DLGAP1: variants seen among roughly 807,000 people sequenced by gnomAD.
DLGAP1 encodes the protein disks large-associated protein 1.
DLGAP1 carries 11 observed loss-of-function variants against 90.8 expected under a neutral mutation model. The observed-to-expected ratio is 0.12, with a 90% CI of 0.08 to 0.20. The LOEUF (loss-of-function observed/expected upper bound fraction) is 0.20, where lower values mean the gene tolerates loss of function less well. DLGAP1 is among the 10% of genes least tolerant of loss of function. The pLI is 1.00. For missense variants in DLGAP1, 1,050 were observed against 1,333.8 expected (o/e 0.79, Z 3.31); for synonymous variants, 558 against 540.7 (o/e 1.03, Z -0.44).
At position 3,514,450 on chromosome 18, in the gene DLGAP1, G is replaced by A. The variant is rs192779349; in HGVS notation, c.2480-5789C>T. On this transcript the variant is annotated intron_variant, in intron 10 of 12. Transcript: ENST00000315677. Reference sequence around the variant, plus strand: ...ATGGATTACCTCTGACTGGCTCCCCGTGGTGAAGGTTACTACGGTAGATAT... The same window carrying A: ...ATGGATTACCTCTGACTGGCTCCCCATGGTGAAGGTTACTACGGTAGATAT... Among the ~76,000 whole-genome samples, 11 of 152,248 alleles carry A rather than the reference G, an allele frequency of 7.2e-5. No homozygotes were observed. In the East Asian group the frequency reaches 1.9e-3, roughly 27 times the overall value.
At position 3,517,766 on chromosome 18, in the gene DLGAP1, G is replaced by A. The variant is rs371938857; in HGVS notation, c.2480-9105C>T. ...CGGGAGGCAGAGGTTGCAGTGAGCC[G>A]AGATCGTGCCATTGCACTCCAGCCT... On this transcript the variant is annotated intron_variant, in intron 10 of 12. Coordinates refer to ENST00000315677, the MANE Select transcript of DLGAP1 (RefSeq NM_004746.4). This position sits in a 1 kb window ranked among gnomAD's most constrained non-coding sequence, Gnocchi z 4.1. Among the ~76,000 whole-genome samples, 12 of 151,028 alleles carry A rather than the reference G, an allele frequency of 7.9e-5. No individual in the cohort carries two copies. The South Asian group carries it at 1.3e-3, about 16-fold the overall frequency.
At chr18:4,136,087 A>G (rs1027729865) in intron 2 of DLGAP1, among the ~76,000 whole-genome samples, 2 of 151,750 alleles carry the variant, frequency 1.3e-5, no homozygotes, top group African/African-American at 4.8e-5. Flanking sequence ...TCATTGTTCA[A>G]TGTCCACCTA....
At chr18:4,227,952 T>C (rs1234378963) in intron 1 of DLGAP1, among the ~76,000 whole-genome samples, 1 of 151,732 alleles carries the variant, frequency 6.6e-6, no homozygotes, top group Non-Finnish European at 1.5e-5. Context: ...GAGAAAACTC[T>C]TGCCAGACTA....
intron 1 of DLGAP1, among the ~76,000 whole-genome samples, chr18:4,168,951 T>G (rs2076978953): frequency 2.0e-5 from 3 of 152,216 alleles, no homozygotes; most frequent in Admixed American, 2.0e-4. Flanking sequence ...ATTCATCCTC[T>G]TATAGACACA....
chr18:3,964,555 G>A (rs546479980), intron 3 of DLGAP1, among the ~76,000 whole-genome samples: 5 of 152,226 alleles, frequency 3.3e-5, no homozygotes, highest in South Asian at 2.1e-4. Context: ...GGGAATCTTC[G>A]CTAGGAGTTG....
chr18:4,209,995 C>T (rs907666656), intron 1 of DLGAP1, among the ~76,000 whole-genome samples: 6 of 152,288 alleles, frequency 3.9e-5, no homozygotes, highest in African/African-American at 1.4e-4. Context: ...TTTCATGGGA[C>T]TTGAACATGC....
At chr18:3,666,007 T>C (rs1365036253) in intron 7 of DLGAP1, among the ~76,000 whole-genome samples, 1 of 152,048 alleles carries the variant, frequency 6.6e-6, no homozygotes, top group African/African-American at 2.4e-5. Flanking sequence ...CAGACTGGAA[T>C]TACCTTAAAG....
intron 2 of DLGAP1, among the ~76,000 whole-genome samples, chr18:4,086,685 A>G (rs2075685689): frequency 6.6e-6 from 1 of 151,720 alleles, no homozygotes; most frequent in African/African-American, 2.4e-5. Context: ...ATTCTTTTAA[A>G]TTTGTTGAAG....
intron 3 of DLGAP1, among the ~76,000 whole-genome samples, chr18:3,955,070 C>CG (rs549709869): frequency 7.2e-5 from 11 of 151,982 alleles, no homozygotes; most frequent in Non-Finnish European, 1.2e-4. Context: ...CTCCAGGCTG[C>CG]GGGGGGGAAG....
chr18:4,391,725 T>C (rs1353322245), intron 1 of DLGAP1, among the ~76,000 whole-genome samples: 1 of 152,146 alleles, frequency 6.6e-6, no homozygotes, highest in Non-Finnish European at 1.5e-5. Context: ...GTCAGACAGA[T>C]CTACACCCTT....
chr18:3,792,187 A>C (rs548200219), intron 5 of DLGAP1, among the ~76,000 whole-genome samples: 1 of 152,230 alleles, frequency 6.6e-6, no homozygotes, highest in South Asian at 2.1e-4. Flanking sequence ...GGTACTTAAG[A>C]TATTATGATG....
intron 7 of DLGAP1, among the ~76,000 whole-genome samples, chr18:3,638,360 G>C (rs944708875): frequency 3.6e-5 from 5 of 139,470 alleles, no homozygotes; most frequent in African/African-American, 1.3e-4. Flanking sequence ...TGATCCTCCT[G>C]CCTCAGCCTC....
intron 1 of DLGAP1, among the ~76,000 whole-genome samples, chr18:4,347,547 A>C (rs537100370): frequency 6.6e-6 from 1 of 152,218 alleles, no homozygotes; most frequent in East Asian, 1.9e-4. Flanking sequence ...GGTTCCTACT[A>C]GGAAATCTAT....
chr18:3,510,678 T>A (rs1004405062), intron 10 of DLGAP1, among the ~76,000 whole-genome samples: 1 of 152,160 alleles, frequency 6.6e-6, no homozygotes, highest in African/African-American at 2.4e-5. Flanking sequence ...ATGACCAGGG[T>A]ACCTAGGTCT....
chr18:4,368,627 T>G (rs2081832711), intron 1 of DLGAP1, among the ~76,000 whole-genome samples: 1 of 113,166 alleles, frequency 8.8e-6, no homozygotes, highest in African/African-American at 3.4e-5. Flanking sequence ...TCTCTCTCTC[T>G]CTCTCTCATA....
intron 3 of DLGAP1, among the ~76,000 whole-genome samples, chr18:3,898,814 A>G (rs2148876334): frequency 6.6e-6 from 1 of 152,308 alleles, no homozygotes; most frequent in East Asian, 1.9e-4. Flanking sequence ...TTATTCTCCA[A>G]TAAGACAATA....
intron 3 of DLGAP1, among the ~76,000 whole-genome samples, chr18:3,914,667 T>C (rs1169422406): frequency 1.3e-5 from 2 of 152,228 alleles, no homozygotes; most frequent in African/African-American, 2.4e-5. Flanking sequence ...CTGTACTATT[T>C]TATGTTCCCA....
chr18:3,583,912 C>T (rs1008997118), intron 7 of DLGAP1, among the ~76,000 whole-genome samples: 4 of 152,138 alleles, frequency 2.6e-5, no homozygotes, highest in Non-Finnish European at 4.4e-5. Context: ...CGTGCCACTG[C>T]ACTCCAGCCT....
intron 9 of DLGAP1, among the ~76,000 whole-genome samples, chr18:3,535,534 C>T (rs945518413): frequency 2.0e-5 from 3 of 151,032 alleles, no homozygotes; most frequent in African/African-American, 4.9e-5. Context: ...GGTGAAACCC[C>T]GTATCTACCA....
Sources: allele counts gnomAD v4.1 joint callset (sites outside exome capture counted in the v4.1 genomes callset), GRCh38; gene constraint gnomAD v4.1.1; non-coding constraint Gnocchi (gnomAD v3.1); transcripts MANE v1.5; gene names NCBI Gene and HGNC (gene_info 2026-07-23, HGNC 2026-07-21).